The following BMERB1 variants were observed in gnomAD, a reference collection of about 807,000 sequenced individuals.
The protein encoded by BMERB1 is bMERB domain containing 1.
BMERB1 carries 12 observed loss-of-function variants against 23.6 expected under a neutral mutation model. The observed-to-expected ratio is 0.51, with a 90% CI of 0.33 to 0.82. BMERB1 has a LOEUF of 0.82. Ranked by LOEUF, BMERB1 falls within the 40% of genes least tolerant of loss-of-function variation. The probability of loss-of-function intolerance (pLI) is 0.03; values close to 1 mark genes in which losing one functional copy is unlikely to be tolerated. For missense variants in BMERB1, 247 were observed against 255.4 expected (o/e 0.97, Z 0.22); for synonymous variants, 122 against 96.6 (o/e 1.26, Z -1.54).
intron 2 of BMERB1, among the ~76,000 whole-genome samples, chr16:15,538,990 G>C (rs2052053649): frequency 6.6e-6 from 1 of 152,172 alleles, no homozygotes; most frequent in Non-Finnish European, 1.5e-5. Context: ...ATTTTTCCAT[G>C]GACCAGGGAT....
intron 1 of BMERB1, among the ~76,000 whole-genome samples, chr16:15,462,060 A>G (rs1263491156): frequency 2.7e-5 from 4 of 148,748 alleles, no homozygotes; most frequent in African/African-American, 5.0e-5. Context: ...AGCATGTCCC[A>G]TGCAATATTT....
intron 2 of BMERB1, among the ~76,000 whole-genome samples, chr16:15,544,975 CTTTT>C (rs923307119): frequency 7.0e-6 from 1 of 143,868 alleles, no homozygotes; most frequent in African/African-American, 2.5e-5. Context: ...CTTTTCTTTT[CTTTT>C]TCTTTTTTTT....
rs113562407 is a variant in BMERB1 at position 15,440,740 on chromosome 16, G to A, written c.106+5981G>A. Among the ~76,000 whole-genome samples the A allele has an allele frequency of 3.5e-3, 532 of 152,294 alleles. 3 individuals are homozygous for A. Among genetic ancestry groups the A allele is most frequent in the African/African-American group, 0.012 (506 of 41,562 alleles). ...GAGTGCCTTACAAGTGCCAGGAAGTGTTCTAGGGGCTGCAGGTACAGTCTT... is the reference window on the plus strand; with the variant it reads ...GAGTGCCTTACAAGTGCCAGGAAGTATTCTAGGGGCTGCAGGTACAGTCTT... On this transcript the variant is annotated intron_variant, in intron 1 of 5. Transcript: ENST00000300006.
intron 1 of BMERB1, among the ~76,000 whole-genome samples, chr16:15,492,478 C>A (rs569632435): frequency 1.3e-5 from 2 of 152,312 alleles, no homozygotes; most frequent in South Asian, 4.1e-4. Flanking sequence ...TAAGTGTGGG[C>A]TGTGTATAGT....
chr16:15,496,081 A>ATGATGG (rs908076540), intron 1 of BMERB1, among the ~76,000 whole-genome samples: 7 of 151,770 alleles, frequency 4.6e-5, no homozygotes, highest in African/African-American at 1.7e-4. Flanking sequence ...AGTGATCGTG[A>ATGATGG]TGATGGTGAT....
chr16:15,463,095 T>C (rs1191187267), intron 1 of BMERB1, among the ~76,000 whole-genome samples: 6 of 151,884 alleles, frequency 4.0e-5, no homozygotes, highest in African/African-American at 1.5e-4. Context: ...TTTTTTTTCT[T>C]CTGGAGACAA....
At chr16:15,483,643 G>A (rs1396797553) in intron 1 of BMERB1, among the ~76,000 whole-genome samples, 1 of 152,144 alleles carries the variant, frequency 6.6e-6, no homozygotes, top group East Asian at 1.9e-4. Flanking sequence ...GCCTCCCAAA[G>A]TGCTAGGATT....
intron 2 of BMERB1, among the ~76,000 whole-genome samples, chr16:15,531,372 G>C (rs980326562): frequency 1.3e-5 from 2 of 152,154 alleles, no homozygotes; most frequent in Non-Finnish European, 2.9e-5. Context: ...AGGATTAGAA[G>C]CATGAGCCAC....
chr16:15,583,841 T>G (rs2031076299), intron 5 of BMERB1, among the ~76,000 whole-genome samples: 1 of 152,220 alleles, frequency 6.6e-6, no homozygotes, highest in Admixed American at 6.5e-5. Context: ...GTCTAGAAAT[T>G]GTTAATACGT....
intron 1 of BMERB1, among the ~76,000 whole-genome samples, chr16:15,457,826 G>C (rs558058575): frequency 1.3e-5 from 2 of 152,164 alleles, no homozygotes; most frequent in African/African-American, 4.8e-5. Context: ...AAAGGAAAGA[G>C]GTTTAATTGA....
intron 2 of BMERB1, among the ~76,000 whole-genome samples, chr16:15,521,660 G>A (rs2051855340): frequency 6.6e-6 from 1 of 152,074 alleles, no homozygotes; most frequent in African/African-American, 2.4e-5. Flanking sequence ...ACTTCCCTTT[G>A]CTTGACCCCT....
At position 15,546,737 on chromosome 16, in the gene BMERB1, C is replaced by G. The variant is rs377212614; in HGVS notation, c.231-21246C>G. 1.7e-4 allele frequency among the ~76,000 whole-genome samples: 26 copies of G among 152,318 alleles called. No homozygotes were observed. In the East Asian group the frequency reaches 2.9e-3, roughly 17 times the overall value. On this transcript the variant is annotated intron_variant, in intron 2 of 5. Transcript: ENST00000300006. ...TGAAGCCTCAGTAAATTTACTTAATCTAAATGGGTCCAGTTGCTGGGGTGA... is the reference window on the plus strand; with the variant it reads ...TGAAGCCTCAGTAAATTTACTTAATGTAAATGGGTCCAGTTGCTGGGGTGA...
At chr16:15,444,119 CTTTGTTTTTTT>C (rs1567447847) in intron 1 of BMERB1, among the ~76,000 whole-genome samples, 1 of 24,458 alleles carries the variant, frequency 4.1e-5, no homozygotes, top group Non-Finnish European at 7.9e-5. Context: ...CAGGCACCAG[CTTTGTTTTTTT>C]TTTTTTTTTT....
chr16:15,574,043 G>A (rs2030798057), intron 3 of BMERB1, among the ~76,000 whole-genome samples: 1 of 149,262 alleles, frequency 6.7e-6, no homozygotes, highest in African/African-American at 2.5e-5. Context: ...GCCCAAGACT[G>A]GGTATAAAGG....
intron 1 of BMERB1, among the ~76,000 whole-genome samples, chr16:15,481,982 C>T (rs2051324974): frequency 2.0e-5 from 3 of 152,004 alleles, no homozygotes; most frequent in Admixed American, 6.6e-5. Flanking sequence ...CTGCCCACCT[C>T]AGCCTCCCAA....
intron 1 of BMERB1, among the ~76,000 whole-genome samples, chr16:15,487,803 C>G (rs1338390623): frequency 6.6e-6 from 1 of 152,204 alleles, no homozygotes; most frequent in Non-Finnish European, 1.5e-5. Context: ...AGGTAACTGA[C>G]ATTGCCATGG....
chr16:15,523,201 C>T (rs1398009116), intron 2 of BMERB1, among the ~76,000 whole-genome samples: 1 of 152,208 alleles, frequency 6.6e-6, no homozygotes, highest in Non-Finnish European at 1.5e-5. Context: ...GTCATGTGCT[C>T]TTCTGCCAGC....
intron 1 of BMERB1, among the ~76,000 whole-genome samples, chr16:15,501,379 G>A (rs1290097091): frequency 1.5e-5 from 2 of 135,024 alleles, no homozygotes; most frequent in African/African-American, 2.8e-5. Context: ...TGCAACCTCC[G>A]CCTCCCAGGT....
intron 2 of BMERB1, among the ~76,000 whole-genome samples, chr16:15,532,137 A>G (rs1334903319): frequency 6.6e-6 from 1 of 152,120 alleles, no homozygotes; most frequent in Admixed American, 6.6e-5. Flanking sequence ...TCAGTCCCCT[A>G]AACTCCTCGG....
Sources: gnomAD v4.1 joint callset for allele counts (sites outside exome capture counted in the v4.1 genomes callset) on GRCh38, gnomAD v4.1.1 for gene constraint, MANE v1.5 for transcripts, NCBI Gene and HGNC (gene_info 2026-07-23, HGNC 2026-07-21) for gene names.